The following WDR41 variants were observed in gnomAD, a reference collection of about 807,000 sequenced individuals.
WDR41 encodes WD repeat-containing protein 41.
In WDR41, 63 loss-of-function variants were observed where a neutral mutation model predicts 69.3. The observed-to-expected ratio is 0.91, with a 90% CI of 0.74 to 1.12. The LOEUF (loss-of-function observed/expected upper bound fraction) is 1.12. Ranked by LOEUF, WDR41 falls within the 50% of genes most tolerant of loss-of-function variation. The probability of loss-of-function intolerance (pLI) is 0.00; values close to 1 mark genes in which losing one functional copy is unlikely to be tolerated. For missense variants in WDR41, 543 were observed against 534.5 expected (o/e 1.02, Z -0.16); for synonymous variants, 185 against 192.1 (o/e 0.96, Z 0.31).
chr5:77,490,701 A>T (rs1400896318), intron 1 of WDR41, among the ~76,000 whole-genome samples: 1 of 152,214 alleles, frequency 6.6e-6, no homozygotes, highest in South Asian at 2.1e-4. Flanking sequence ...TTCTCCTCCA[A>T]TGAAAACTTG....
At chr5:77,536,251 C>G (rs1742980115) in intron 1 of WDR41, among the ~76,000 whole-genome samples, 1 of 152,044 alleles carries the variant, frequency 6.6e-6, no homozygotes, top group Non-Finnish European at 1.5e-5. Flanking sequence ...TTACTGAGAT[C>G]CTACTGTGTG....
intron 1 of WDR41, among the ~76,000 whole-genome samples, chr5:77,548,512 CAA>C (rs1743239811): frequency 6.7e-6 from 1 of 148,570 alleles, no homozygotes; most frequent in Non-Finnish European, 1.5e-5. Context: ...AAATGGCCAA[CAA>C]ACATGTGAAA....
chr5:77,491,165 CG>C, intron 1 of WDR41: 1 of 403,798 alleles, frequency 2.5e-6, no homozygotes, highest in Non-Finnish European at 5.0e-6. Flanking sequence ...TGAAAATGGC[CG>C]GTCCTCGCCT....
In WDR41 at chr5:77,558,112, A is replaced by C. The variant is rs543240211; in HGVS notation, c.42+62367T>G. Among the ~76,000 whole-genome samples, 906 of 149,590 alleles carry C rather than the reference A, an allele frequency of 6.1e-3. 10 individuals are homozygous for C. The highest frequency in any genetic ancestry group is 0.02 in the African/African-American group (817 of 40,546). On this transcript the variant is annotated intron_variant, in intron 1 of 5. Coordinates refer to the WDR41 transcript ENST00000509971. ...TTCTTTTTAAAAAAAAAAAAAAAAA[A>C]AAAACAAAACAGGAGTAGGTATGTA...
chr5:77,474,927 G>A lies in WDR41; in HGVS notation c.168-10118C>T, dbSNP rs192052397. On this transcript the variant is annotated intron_variant, in intron 2 of 12. Coordinates refer to ENST00000296679, the MANE Select transcript of WDR41 (RefSeq NM_018268.4). ...TACCGGGTTCGTCTCACTAGGGAGT[G>A]CCAGACAGTGGGCGCAGGTCAGTGG... is the stretch of plus-strand genomic sequence containing the variant. Among the ~76,000 whole-genome samples the A allele has an allele frequency of 1.1e-4, 16 of 152,308 alleles. No homozygotes were observed. The East Asian group carries it at 3.1e-3, about 29-fold the overall frequency.
At chr5:77,599,549 A>G (rs1744288114) in intron 1 of WDR41, among the ~76,000 whole-genome samples, 1 of 152,202 alleles carries the variant, frequency 6.6e-6, no homozygotes, top group Admixed American at 6.5e-5. Flanking sequence ...ACAGCTAGCT[A>G]GCAAGATATC....
At chr5:77,510,966 T>A (rs1432367325) in intron 1 of WDR41, among the ~76,000 whole-genome samples, 1 of 151,996 alleles carries the variant, frequency 6.6e-6, no homozygotes, top group Non-Finnish European at 1.5e-5. Context: ...AGTTTCACCA[T>A]GTTGGTCAGG....
At chr5:77,557,270 A>G (rs1580008563) in intron 1 of WDR41, among the ~76,000 whole-genome samples, 1 of 152,180 alleles carries the variant, frequency 6.6e-6, no homozygotes, top group African/African-American at 2.4e-5. Flanking sequence ...TAAAAGCAAA[A>G]CAAAACAAAA....
chr5:77,619,684 G>A (rs1744740783), intron 1 of WDR41, among the ~76,000 whole-genome samples: 1 of 152,186 alleles, frequency 6.6e-6, no homozygotes, highest in South Asian at 2.1e-4. Context: ...TACACAGTAA[G>A]AATGAACCCT....
At chr5:77,497,665 C>G (rs750990458) in intron 1 of WDR41, among the ~76,000 whole-genome samples, 5 of 124,990 alleles carry the variant, frequency 4.0e-5, no homozygotes, top group African/African-American at 1.6e-4. Context: ...TAAAATGGAG[C>G]AGCCACTGTG....
At chr5:77,562,031 T>G (rs1249788050) in intron 1 of WDR41, among the ~76,000 whole-genome samples, 1 of 152,214 alleles carries the variant, frequency 6.6e-6, no homozygotes, top group African/African-American at 2.4e-5. Flanking sequence ...CATGAAATGT[T>G]TGTCACCTAT....
intron 7 of WDR41, among the ~76,000 whole-genome samples, chr5:77,450,299 T>C (rs922851325): frequency 6.6e-6 from 1 of 152,204 alleles, no homozygotes. Flanking sequence ...AAGTTTAACT[T>C]CAACTCAGTG....
chr5:77,548,427 A>G (rs557092291), intron 1 of WDR41, among the ~76,000 whole-genome samples: 162 of 152,176 alleles, frequency 1.1e-3, no homozygotes, highest in Non-Finnish European at 2.1e-3. Context: ...AATTCAACAA[A>G]TCAATAAGAA....
At chr5:77,492,542 G>T (rs1801861340), upstream of WDR41, 7 of 332,654 alleles carry the variant, frequency 2.1e-5, no homozygotes, top group Non-Finnish European at 3.8e-5. Context: ...GTAGCGCACG[G>T]AGCTTAGGTA....
intron 1 of WDR41, among the ~76,000 whole-genome samples, chr5:77,542,266 C>T (rs892029040): frequency 6.6e-6 from 1 of 151,942 alleles, no homozygotes; most frequent in Non-Finnish European, 1.5e-5. Flanking sequence ...CGCACGGGGG[C>T]CTACTGGAGG....
chr5:77,531,623 C>T (rs913891095), intron 1 of WDR41, among the ~76,000 whole-genome samples: 1 of 151,858 alleles, frequency 6.6e-6, no homozygotes, highest in Non-Finnish European at 1.5e-5. Context: ...CCATATGCCC[C>T]CACAATTCAT....
chr5:77,436,173 T>C, intron 12 of WDR41, 88 bp downstream of exon 12: 1 of 1,499,246 alleles, frequency 6.7e-7, no homozygotes, highest in South Asian at 1.4e-5. Flanking sequence ...AGAAAAAGTA[T>C]ATGCCTTTAT....
intron 2 of WDR41, among the ~76,000 whole-genome samples, chr5:77,472,152 A>T (rs552135605): frequency 6.6e-5 from 10 of 152,238 alleles, no homozygotes; most frequent in Non-Finnish European, 1.2e-4. Context: ...TCAGCATATA[A>T]ACAGAACCAA....
chr5:77,547,510 C>T (rs1743220077), intron 1 of WDR41, among the ~76,000 whole-genome samples: 1 of 151,608 alleles, frequency 6.6e-6, no homozygotes. Context: ...GGAACTCAAC[C>T]CCTTTTACAG....
Sources: gnomAD v4.1 joint callset for allele counts (sites outside exome capture counted in the v4.1 genomes callset) on GRCh38, gnomAD v4.1.1 for gene constraint, MANE v1.5 for transcripts, NCBI Gene and HGNC (gene_info 2026-07-23, HGNC 2026-07-21) for gene names.